Variants in SLC24A2 observed in about 807,000 individuals in gnomAD.
SLC24A2 encodes solute carrier family 24 member 2.
A neutral mutation model predicts 62.0 loss-of-function variants in SLC24A2; 36 were observed. The ratio of observed to expected loss-of-function variants is 0.58; its 90% CI spans 0.44 to 0.77. The LOEUF (loss-of-function observed/expected upper bound fraction) is 0.77, where lower values mean the gene tolerates loss of function less well. Among genes scored for constraint, SLC24A2 ranks in the 30% least tolerant of loss-of-function variants. The pLI is 0.00. For missense variants in SLC24A2, 846 were observed against 817.9 expected (o/e 1.03, Z -0.42); for synonymous variants, 358 against 294.0 (o/e 1.22, Z -2.23).
the SLC24A2 span, among the ~76,000 whole-genome samples, chr9:19,921,963 T>G: frequency 1.3e-5 from 2 of 152,144 alleles, no homozygotes; most frequent in South Asian, 4.1e-4. Flanking sequence ...AGCAGAAATA[T>G]AAGAAATGAC....
the SLC24A2 span, among the ~76,000 whole-genome samples, chr9:20,052,809 T>A: frequency 6.6e-5 from 10 of 152,206 alleles, no homozygotes; most frequent in African/African-American, 2.2e-4. Flanking sequence ...CAGACTGCAC[T>A]GTTAGGCCTT....
the SLC24A2 span, among the ~76,000 whole-genome samples, chr9:20,251,340 T>C: frequency 6.9e-6 from 1 of 144,370 alleles, no homozygotes; most frequent in African/African-American, 2.5e-5. Flanking sequence ...AGCAAATTCC[T>C]TCATGAGCTT....
the SLC24A2 span, among the ~76,000 whole-genome samples, chr9:20,231,507 G>T: frequency 6.6e-6 from 1 of 152,146 alleles, no homozygotes; most frequent in African/African-American, 2.4e-5. Context: ...TTGTGAATGG[G>T]AGTTTACTCA....
the SLC24A2 span, among the ~76,000 whole-genome samples, chr9:19,921,409 G>C: frequency 4.6e-4 from 69 of 151,552 alleles, no homozygotes; most frequent in African/African-American, 1.6e-3. Flanking sequence ...TGTAGTCCCA[G>C]CTACTCGGGA....
intron 2 of SLC24A2, among the ~76,000 whole-genome samples, chr9:19,740,622 G>A (rs1307809317): frequency 1.3e-5 from 2 of 152,044 alleles, no homozygotes; most frequent in African/African-American, 4.8e-5. Flanking sequence ...ATCCAGGTGG[G>A]GTTTACATGA....
At chr9:20,034,750 G>A in the SLC24A2 span, among the ~76,000 whole-genome samples, 1 of 152,264 alleles carries the variant, frequency 6.6e-6, no homozygotes, top group Middle Eastern at 3.4e-3. Context: ...TTACAGGCGT[G>A]AGCCACCGCG....
chr9:19,960,982 A>G, the SLC24A2 span, among the ~76,000 whole-genome samples: 4 of 150,686 alleles, frequency 2.7e-5, no homozygotes, highest in African/African-American at 9.7e-5. Flanking sequence ...ACTAGGTGAC[A>G]ATATATATTT....
the SLC24A2 span, among the ~76,000 whole-genome samples, chr9:20,119,111 C>T: frequency 6.6e-6 from 1 of 152,082 alleles, no homozygotes; most frequent in Non-Finnish European, 1.5e-5. Context: ...CAGCAAGAAG[C>T]TAAGGCCCTC....
chr9:20,064,922 G>C, the SLC24A2 span, among the ~76,000 whole-genome samples: 1 of 152,182 alleles, frequency 6.6e-6, no homozygotes, highest in African/African-American at 2.4e-5. Context: ...CTGGGGCAGG[G>C]AAGTGATACC....
At chr9:19,840,217 C>A in the SLC24A2 span, among the ~76,000 whole-genome samples, 1 of 152,152 alleles carries the variant, frequency 6.6e-6, no homozygotes, top group Non-Finnish European at 1.5e-5. Flanking sequence ...CATAGACTTT[C>A]TTTAAAAGTA....
At chr9:20,175,364 T>C in the SLC24A2 span, among the ~76,000 whole-genome samples, 1 of 151,888 alleles carries the variant, frequency 6.6e-6, no homozygotes, top group Non-Finnish European at 1.5e-5. Flanking sequence ...AGACCACCTA[T>C]TCTCCAATAA....
intron 2 of SLC24A2, among the ~76,000 whole-genome samples, chr9:19,659,877 G>A (rs1819046278): frequency 6.6e-6 from 1 of 152,168 alleles, no homozygotes; most frequent in South Asian, 2.1e-4. Context: ...ACCATCAGAA[G>A]AGCAGCTGGG....
At chr9:19,940,354 C>T in the SLC24A2 span, among the ~76,000 whole-genome samples, 83 of 152,316 alleles carry the variant, frequency 5.4e-4, no homozygotes, top group Non-Finnish European at 9.8e-4. Context: ...CTTTTATAAA[C>T]AAGGCTAGGT....
chr9:20,122,826 T>G, the SLC24A2 span, among the ~76,000 whole-genome samples: 1 of 152,206 alleles, frequency 6.6e-6, no homozygotes, highest in African/African-American at 2.4e-5. Flanking sequence ...GCACATATTT[T>G]TAGTGTTGCA....
At chr9:20,240,404 C>T in the SLC24A2 span, among the ~76,000 whole-genome samples, 3 of 152,070 alleles carry the variant, frequency 2.0e-5, no homozygotes, top group African/African-American at 7.2e-5. Flanking sequence ...TATAAATGAA[C>T]TTGGAACCTC....
At chr9:20,022,261 G>A in the SLC24A2 span, among the ~76,000 whole-genome samples, 8 of 152,014 alleles carry the variant, frequency 5.3e-5, no homozygotes, top group Non-Finnish European at 1.2e-4. Flanking sequence ...CCACAAACAG[G>A]TAATTTATGA....
chr9:19,861,814 C>G, the SLC24A2 span, among the ~76,000 whole-genome samples: 1 of 151,890 alleles, frequency 6.6e-6, no homozygotes, highest in Non-Finnish European at 1.5e-5. Context: ...GCATCAGAGT[C>G]TTTTAATAGC....
Position 19,667,001 on chromosome 9 carries a change from G to C in SLC24A2, c.931-44702C>G, listed in dbSNP as rs372513536. 2.6e-5 allele frequency among the ~76,000 whole-genome samples: 4 copies of C among 152,078 alleles called. No homozygotes were observed. In the East Asian group the frequency reaches 7.7e-4, roughly 29 times the overall value. ...ACTCAGTACAAATTAATAAAGATCA[G>C]GTACTTTTAATATTTGTATAACTGG... On this transcript the variant is annotated intron_variant, in intron 2 of 10. Transcript: ENST00000341998.
chr9:20,241,203 T>C, the SLC24A2 span, among the ~76,000 whole-genome samples: 2 of 152,240 alleles, frequency 1.3e-5, no homozygotes, highest in Non-Finnish European at 2.9e-5. Context: ...TTTCTTACAT[T>C]CACCATATTA....
Sources: gnomAD v4.1 joint callset for allele counts (sites outside exome capture counted in the v4.1 genomes callset) on GRCh38, gnomAD v4.1.1 for gene constraint, MANE v1.5 for transcripts, NCBI Gene and HGNC (gene_info 2026-07-23, HGNC 2026-07-21) for gene names.